CPEB3: variants seen among roughly 807,000 people sequenced by gnomAD.
CPEB3 encodes the protein cytoplasmic polyadenylation element binding protein 3.
In CPEB3, 20 loss-of-function variants were observed where a neutral mutation model predicts 67.2. The ratio of observed to expected loss-of-function variants is 0.30; its 90% CI spans 0.21 to 0.43. The LOEUF is 0.43. Ranked by LOEUF, CPEB3 falls within the 20% of genes least tolerant of loss-of-function variation. The pLI, the probability that CPEB3 is intolerant of heterozygous loss-of-function variation, is 1.00. For synonymous variants in CPEB3, 376 were observed against 393.1 expected, an observed-to-expected ratio of 0.96 and a Z score of 0.51; for missense variants, 746 against 968.6, an observed-to-expected ratio of 0.77 and a Z score of 3.05.
intron 1 of CPEB3, among the ~76,000 whole-genome samples, chr10:92,247,359 A>G (rs1852114924): frequency 6.6e-6 from 1 of 152,128 alleles, no homozygotes; most frequent in Admixed American, 6.6e-5. Flanking sequence ...TTGGGACTAC[A>G]GGCACGCACC....
chr10:92,129,219 C>T (rs757491273), intron 6 of CPEB3, among the ~76,000 whole-genome samples: 38 of 152,242 alleles, frequency 2.5e-4, no homozygotes, highest in African/African-American at 9.1e-4. Flanking sequence ...AGGCTATTAT[C>T]CTTAGCAAAG....
chr10:92,194,139 A>G (rs1849119479), intron 2 of CPEB3, among the ~76,000 whole-genome samples: 1 of 151,508 alleles, frequency 6.6e-6, no homozygotes, highest in African/African-American at 2.4e-5. Context: ...TATTGGATAC[A>G]CTTTTTAAAA....
chr10:92,189,426 T>C (rs1418853918), intron 3 of CPEB3, among the ~76,000 whole-genome samples: 1 of 152,202 alleles, frequency 6.6e-6, no homozygotes, highest in African/African-American at 2.4e-5. Context: ...GAGCAGTTTC[T>C]AGTGCCAGGG....
At chr10:92,181,736 C>T (rs1848470418) in intron 3 of CPEB3, among the ~76,000 whole-genome samples, 1 of 152,178 alleles carries the variant, frequency 6.6e-6, no homozygotes. Context: ...CTTGTAAACA[C>T]AACCAAACCA....
chr10:92,263,483 A>G (rs1257837393), intron 1 of CPEB3, among the ~76,000 whole-genome samples: 1 of 152,270 alleles, frequency 6.6e-6, no homozygotes, highest in African/African-American at 2.4e-5. Flanking sequence ...GGGATGGTCT[A>G]GAATCTATAC....
chr10:92,070,700 C>A (rs1842717962), intron 9 of CPEB3, among the ~76,000 whole-genome samples: 1 of 151,896 alleles, frequency 6.6e-6, no homozygotes, highest in Admixed American at 6.6e-5. Context: ...TCACTTGAAC[C>A]CAGGAGGTGG....
At chr10:92,171,534 G>C (rs781014248) in intron 4 of CPEB3, among the ~76,000 whole-genome samples, 1 of 152,124 alleles carries the variant, frequency 6.6e-6, no homozygotes, top group African/African-American at 2.4e-5. Context: ...AACTAGAGTT[G>C]AGAATTAGTG....
At chr10:92,276,574 TG>T in intron 1 of CPEB3, among the ~76,000 whole-genome samples, 2 of 152,316 alleles carry the variant, frequency 1.3e-5, no homozygotes, top group Middle Eastern at 3.4e-3. Context: ...CCACCATGCC[TG>T]GCCCATACTG....
rs561926988 is a variant in CPEB3 at position 92,244,262 on chromosome 10, G to A, written c.-11-3901C>T. Among the ~76,000 whole-genome samples, 18 of 151,382 alleles carry A rather than the reference G, an allele frequency of 1.2e-4. No homozygotes were observed. The East Asian group carries it at 2.6e-3, about 22-fold the overall frequency. On this transcript the variant is annotated intron_variant, in intron 1 of 9. Transcript: ENST00000265997. ...CTCGGGAGGCTGAGGCAGGAGAATC[G>A]CTTGAACCTGGGAGGTAGAGGTTGC... is the stretch of plus-strand genomic sequence containing the variant.
In CPEB3 at chr10:92,072,701, G is replaced by A. The variant is rs1368804542; in HGVS notation, c.1869+8619C>T. 2.0e-5 allele frequency among the ~76,000 whole-genome samples: 3 copies of A among 152,210 alleles called. No homozygotes were observed. In the East Asian group the frequency reaches 5.8e-4, roughly 29 times the overall value. On this transcript the variant is annotated intron_variant, in intron 9 of 9. Coordinates refer to ENST00000265997, the MANE Select transcript of CPEB3 (RefSeq NM_014912.5). ...GTTTGTTTTGTTTTGTTCAACTACA[G>A]CAATGGTTCTCTAGGAGGTGGGGAC...
At chr10:92,138,772 T>C (rs1376098951) in intron 6 of CPEB3, among the ~76,000 whole-genome samples, 3 of 152,136 alleles carry the variant, frequency 2.0e-5, no homozygotes. Flanking sequence ...GTATAGCCAC[T>C]ATGGAGAACA....
chr10:92,111,211 A>C lies in CPEB3; in HGVS notation c.1454-17T>G. Reference sequence around the variant, plus strand: ...AGGCATAGCCTTGGGGAGAGCAAAAACAAAAGGGTAGAGGAAGAATCAGTA... The same window carrying C: ...AGGCATAGCCTTGGGGAGAGCAAAACCAAAAGGGTAGAGGAAGAATCAGTA... On this transcript the variant is annotated splice_polypyrimidine_tract_variant and intron_variant, in intron 6 of 9. Coordinates refer to ENST00000265997, the MANE Select transcript of CPEB3 (RefSeq NM_014912.5). The C allele has an allele frequency of 6.8e-7, 1 of 1,473,770 alleles. No homozygotes were observed. The highest frequency in any genetic ancestry group is 2.3e-5 in the East Asian group (1 of 44,188). The allele number at this position is 1,473,770 out of a possible 1,614,324, so 91.3% of individuals were successfully genotyped here.
chr10:92,166,442 A>C (rs1364374814), intron 4 of CPEB3, among the ~76,000 whole-genome samples: 1 of 152,178 alleles, frequency 6.6e-6, no homozygotes, highest in Non-Finnish European at 1.5e-5. Context: ...GATGGCTTGG[A>C]AGTATAAATT....
chr10:92,143,251 G>T lies in CPEB3; in HGVS notation c.1364-133C>A, dbSNP rs1390275791. ...TGTTTTCTATAGCATCTTTACGGAAGTGAAACCTACTAAGTGAAATACCAT... is the reference window on the plus strand; with the variant it reads ...TGTTTTCTATAGCATCTTTACGGAATTGAAACCTACTAAGTGAAATACCAT... On this transcript the variant is annotated intron_variant, in intron 5 of 9. Transcript: ENST00000265997. 4 of 572,164 alleles carry T rather than the reference G, an allele frequency of 7.0e-6. No homozygotes were observed. The African/African-American group carries it at 7.6e-5, about 11-fold the overall frequency. The allele number at this position is 572,164 out of a possible 1,614,324, so 35.4% of individuals were successfully genotyped here. A position where few individuals can be genotyped will look rare whatever the true frequency, so the allele number is the denominator to read the frequency against.
At chr10:92,280,587 C>T (rs1156391732) in intron 1 of CPEB3, among the ~76,000 whole-genome samples, 5 of 142,492 alleles carry the variant, frequency 3.5e-5, no homozygotes, top group Non-Finnish European at 7.6e-5. Context: ...CCAAGCATGG[C>T]GGTACATGCC....
chr10:92,251,023 GC>G (rs1362289640), intron 1 of CPEB3, among the ~76,000 whole-genome samples: 1 of 151,940 alleles, frequency 6.6e-6, no homozygotes, highest in Non-Finnish European at 1.5e-5. Flanking sequence ...GAGCCACCAT[GC>G]CCAGCCTATA....
At chr10:92,201,258 T>C (rs1262359635) in intron 2 of CPEB3, among the ~76,000 whole-genome samples, 1 of 152,160 alleles carries the variant, frequency 6.6e-6, no homozygotes, top group Non-Finnish European at 1.5e-5. Context: ...CCGGGCACGG[T>C]GGCTCACACC....
chr10:92,164,351 C>T (rs964992143), intron 4 of CPEB3, among the ~76,000 whole-genome samples: 8 of 152,248 alleles, frequency 5.3e-5, no homozygotes, highest in South Asian at 2.1e-4. Flanking sequence ...TTTAAGTATA[C>T]GATCTGATTA....
intron 1 of CPEB3, among the ~76,000 whole-genome samples, chr10:92,245,133 C>CTTTTTTTTTTTTTTT: frequency 1.0e-5 from 1 of 98,068 alleles, no homozygotes; most frequent in Non-Finnish European, 2.0e-5. Context: ...AGAAAAGAGT[C>CTTTTTTTTTTTTTTT]TTTTTTTTTT....
Sources: gnomAD v4.1 joint callset for allele counts (sites outside exome capture counted in the v4.1 genomes callset) on GRCh38, gnomAD v4.1.1 for gene constraint, MANE v1.5 for transcripts, NCBI Gene and HGNC (gene_info 2026-07-23, HGNC 2026-07-21) for gene names.